Variants in ETV6 observed in about 807,000 individuals in gnomAD.
ETV6 encodes the protein ETS variant transcription factor 6, also known as transcription factor ETV6.
In ETV6, 16 loss-of-function variants were observed where a neutral mutation model predicts 51.1. That is an observed-to-expected ratio of 0.31 (90% CI 0.21 to 0.48). The LOEUF is 0.48. Among genes scored for constraint, ETV6 ranks in the 20% least tolerant of loss-of-function variants. The probability of loss-of-function intolerance (pLI) is 0.99; values close to 1 mark genes in which losing one functional copy is unlikely to be tolerated. For missense variants in ETV6, 458 were observed against 594.8 expected (o/e 0.77, Z 2.39); for synonymous variants, 240 against 224.1 (o/e 1.07, Z -0.64).
At chr12:11,884,848 C>T (rs1360158192) in intron 6 of ETV6, among the ~76,000 whole-genome samples, 1 of 152,128 alleles carries the variant, frequency 6.6e-6, no homozygotes, top group Admixed American at 6.5e-5. Context: ...ACTCTTGTTT[C>T]CACTCCCCTT....
intron 1 of ETV6, among the ~76,000 whole-genome samples, chr12:11,745,866 C>A (rs1865898014): frequency 6.6e-6 from 1 of 152,146 alleles, no homozygotes; most frequent in African/African-American, 2.4e-5. Flanking sequence ...TAGCCACGGC[C>A]AAGTTATCAT....
chr12:11,743,908 G>T, intron 1 of ETV6, among the ~76,000 whole-genome samples: 1 of 152,328 alleles, frequency 6.6e-6, no homozygotes, highest in East Asian at 1.9e-4. Context: ...ACTTGAGGAG[G>T]AGGCGAAGGG....
At chr12:11,801,070 T>C (rs1463495846) in intron 2 of ETV6, among the ~76,000 whole-genome samples, 1 of 152,180 alleles carries the variant, frequency 6.6e-6, no homozygotes, top group Non-Finnish European at 1.5e-5. Context: ...AAAAGTGAGC[T>C]TTATTCATCG....
intron 2 of ETV6, among the ~76,000 whole-genome samples, chr12:11,780,992 A>T (rs1383916603): frequency 3.9e-5 from 6 of 152,230 alleles, no homozygotes; most frequent in Non-Finnish European, 8.8e-5. Context: ...AGTTACAGGT[A>T]CAAGATGTTA....
intron 2 of ETV6, among the ~76,000 whole-genome samples, chr12:11,801,663 T>C (rs1945751028): frequency 6.6e-6 from 1 of 151,842 alleles, no homozygotes; most frequent in Non-Finnish European, 1.5e-5. Flanking sequence ...TATTAACCTA[T>C]CTCATTTAAT....
In ETV6 at chr12:11,753,920, A is replaced by G. The variant is rs997562000; in HGVS notation, c.163+1341A>G. On this transcript the variant is annotated intron_variant, in intron 2 of 7. Coordinates refer to ENST00000396373, the MANE Select transcript of ETV6 (RefSeq NM_001987.5). ...GAAGTAAAGGACACAGCCCTACTCT[A>G]CCATCTTTTCCTCTACTTTTAAGGA... Among the ~76,000 whole-genome samples the G allele has an allele frequency of 4.6e-5, 7 of 152,166 alleles. No individual in the cohort carries two copies. In the East Asian group the frequency reaches 1.3e-3, roughly 29 times the overall value.
chr12:11,855,604 A>C (rs1256304523), intron 4 of ETV6, among the ~76,000 whole-genome samples: 1 of 152,170 alleles, frequency 6.6e-6, no homozygotes, highest in Non-Finnish European at 1.5e-5. Flanking sequence ...AAAAATGAGA[A>C]GTTTCTTGTT....
At chr12:11,770,480 G>A (rs1945227363) in intron 2 of ETV6, among the ~76,000 whole-genome samples, 1 of 152,140 alleles carries the variant, frequency 6.6e-6, no homozygotes, top group African/African-American at 2.4e-5. Context: ...CTGAACATAA[G>A]TATGGCGGTT....
intron 1 of ETV6, among the ~76,000 whole-genome samples, chr12:11,706,978 C>G (rs1865083859): frequency 6.6e-6 from 1 of 152,146 alleles, no homozygotes; most frequent in Non-Finnish European, 1.5e-5. Context: ...GAAGACAAAC[C>G]TGTATTTTGT....
intron 1 of ETV6, among the ~76,000 whole-genome samples, chr12:11,688,134 C>G (rs1864672564): frequency 6.6e-6 from 1 of 152,126 alleles, no homozygotes. Context: ...ACTCCAGAGC[C>G]CCAGTCTTAG....
chr12:11,679,239 T>C (rs1037308417), intron 1 of ETV6, among the ~76,000 whole-genome samples: 10 of 152,096 alleles, frequency 6.6e-5, no homozygotes, highest in African/African-American at 2.4e-4. Context: ...TTTTTTTTTC[T>C]TTACCCACCC....
chr12:11,734,153 C>T (rs1865656831), intron 1 of ETV6, among the ~76,000 whole-genome samples: 1 of 152,076 alleles, frequency 6.6e-6, no homozygotes, highest in East Asian at 1.9e-4. Context: ...TTATTTTCTC[C>T]CTGCTAAAAA....
intron 1 of ETV6, among the ~76,000 whole-genome samples, chr12:11,748,808 G>A (rs1211665215): frequency 6.6e-6 from 1 of 152,146 alleles, no homozygotes; most frequent in East Asian, 1.9e-4. Flanking sequence ...ATGGCTAGGG[G>A]AGAAATGGGA....
intron 1 of ETV6, among the ~76,000 whole-genome samples, chr12:11,720,723 C>A (rs1313583709): frequency 6.6e-6 from 1 of 152,140 alleles, no homozygotes; most frequent in Non-Finnish European, 1.5e-5. Flanking sequence ...AAAAAATTGA[C>A]AAGTGGGAAC....
At chr12:11,878,658 C>T (rs771956609) in intron 5 of ETV6, among the ~76,000 whole-genome samples, 4 of 151,954 alleles carry the variant, frequency 2.6e-5, no homozygotes, top group Non-Finnish European at 5.9e-5. Context: ...TCTCCCTCCC[C>T]CAGCGTGCCA....
Position 11,865,349 on chromosome 12 carries a change from G to A in ETV6, c.464-4075G>A, listed in dbSNP as rs569441681. The stretch of plus-strand genomic sequence containing the variant: ...ATCACTTGAAAACTAGTAGTTCCTC[G>A]GTATCATCAAATAATCTGCTAGTGT... On this transcript the variant is annotated intron_variant, in intron 4 of 7. Coordinates refer to ENST00000396373, the MANE Select transcript of ETV6 (RefSeq NM_001987.5). 7.9e-5 allele frequency among the ~76,000 whole-genome samples: 12 copies of A among 151,544 alleles called. No homozygotes were observed. In the South Asian group the frequency reaches 8.3e-4, roughly 11 times the overall value.
At chr12:11,696,720 G>A (rs1864885167) in intron 1 of ETV6, among the ~76,000 whole-genome samples, 1 of 152,150 alleles carries the variant, frequency 6.6e-6, no homozygotes, top group Non-Finnish European at 1.5e-5. Flanking sequence ...GGAGGCTGAG[G>A]CAGAAGAATT....
chr12:11,819,207 G>C (rs779231817), intron 2 of ETV6, among the ~76,000 whole-genome samples: 12 of 152,162 alleles, frequency 7.9e-5, no homozygotes, highest in Non-Finnish European at 1.6e-4. Flanking sequence ...AACCCTCCGT[G>C]ATCTGGTTTC....
intron 1 of ETV6, among the ~76,000 whole-genome samples, chr12:11,734,948 A>G (rs888758347): frequency 3.3e-5 from 5 of 152,232 alleles, no homozygotes; most frequent in Non-Finnish European, 2.9e-5. Context: ...TGTGATAACA[A>G]TATGAAACCT....
Sources: allele counts gnomAD v4.1 joint callset (sites outside exome capture counted in the v4.1 genomes callset), GRCh38; gene constraint gnomAD v4.1.1; transcripts MANE v1.5; gene names NCBI Gene and HGNC (gene_info 2026-07-23, HGNC 2026-07-21).